ASB3: variants seen among roughly 807,000 people sequenced by gnomAD.
ASB3 encodes the protein ankyrin repeat and SOCS box containing 3.
In ASB3, 41 loss-of-function variants were observed where a neutral mutation model predicts 54.5. The ratio of observed to expected loss-of-function variants is 0.75; its 90% CI spans 0.59 to 0.98. The LOEUF is 0.98. Ranked by LOEUF, ASB3 falls within the 50% of genes least tolerant of loss-of-function variation. The pLI is 0.00. For missense variants in ASB3, 733 were observed against 620.0 expected (o/e 1.18, Z -1.94); for synonymous variants, 266 against 221.2 (o/e 1.20, Z -1.80).
chr2:53,725,509 A>G (rs992920360), intron 5 of ASB3, among the ~76,000 whole-genome samples: 1 of 152,264 alleles, frequency 6.6e-6, no homozygotes, highest in Non-Finnish European at 1.5e-5. Context: ...CATTGTATAA[A>G]GATTTTTAAA....
intron 5 of ASB3, among the ~76,000 whole-genome samples, chr2:53,724,491 T>A (rs779242228): frequency 1.3e-5 from 2 of 151,340 alleles, no homozygotes; most frequent in African/African-American, 4.9e-5. Context: ...CCCAGCTACT[T>A]GGGAGGCTGA....
chr2:53,705,428 C>T (rs1159367820), intron 7 of ASB3, among the ~76,000 whole-genome samples: 1 of 152,188 alleles, frequency 6.6e-6, no homozygotes, highest in Non-Finnish European at 1.5e-5. Flanking sequence ...TAACTCATGT[C>T]TGTGACCAAG....
rs563857072 is a variant in ASB3, at chr2:53,725,604, T to C, written c.604+3108A>G. ...TTGGCAAATAATGTATTAAATATGC[T>C]ACATATGATGTTGTTACATGACCAT... is the stretch of plus-strand genomic sequence containing the variant. On this transcript the variant is annotated intron_variant, in intron 5 of 9. Coordinates refer to ENST00000263634, the MANE Select transcript of ASB3 (RefSeq NM_016115.5). Among the ~76,000 whole-genome samples the C allele has an allele frequency of 2.8e-4, 43 of 152,376 alleles. No homozygotes were observed. In the South Asian group the frequency reaches 8.3e-3, roughly 29 times the overall value.
chr2:53,743,665 A>G (rs1442158195), intron 3 of ASB3, among the ~76,000 whole-genome samples: 2 of 152,278 alleles, frequency 1.3e-5, no homozygotes, highest in Non-Finnish European at 2.9e-5. Flanking sequence ...GACTAATAAA[A>G]TAACACATTA....
At chr2:53,750,146 C>T (rs756750398) in intron 3 of ASB3, among the ~76,000 whole-genome samples, 2 of 152,008 alleles carry the variant, frequency 1.3e-5, no homozygotes, top group South Asian at 2.1e-4. Flanking sequence ...CTATTCCAAA[C>T]GCTTCATTGA....
At chr2:53,720,562 C>A (rs1196625414) in intron 5 of ASB3, among the ~76,000 whole-genome samples, 1 of 152,174 alleles carries the variant, frequency 6.6e-6, no homozygotes, top group Non-Finnish European at 1.5e-5. Flanking sequence ...CCTAAATATA[C>A]ACACACCCAA....
intron 1 of ASB3, chr2:53,771,877 G>A: frequency 6.9e-7 from 1 of 1,453,630 alleles, no homozygotes; most frequent in Non-Finnish European, 9.5e-7. Flanking sequence ...TATTAATTCA[G>A]AAAAATTTTT....
intron 1 of ASB3, among the ~76,000 whole-genome samples, chr2:53,768,606 G>T (rs1573003969): frequency 6.6e-6 from 1 of 152,170 alleles, no homozygotes; most frequent in South Asian, 2.1e-4. Context: ...TTGGTTTTCA[G>T]TACTAGTGAA....
intron 5 of ASB3, among the ~76,000 whole-genome samples, chr2:53,724,691 C>T (rs1325882129): frequency 6.6e-6 from 1 of 151,762 alleles, no homozygotes; most frequent in Admixed American, 6.6e-5. Flanking sequence ...AATTGCTCAA[C>T]ATCACCAATC....
chr2:53,770,650 A>G lies in ASB3; in HGVS notation c.-13-5065T>C, dbSNP rs141077664. ...TATCAGTCTTTGAAATGGGAGAACA[A>G]ATAAAACTTGTTTTGGCTTCATAAT... On this transcript the variant is annotated intron_variant, in intron 1 of 9. Transcript: ENST00000263634. Among the ~76,000 whole-genome samples the G allele has an allele frequency of 2.0e-4, 31 of 152,332 alleles. No homozygotes were observed. The East Asian group carries it at 6.0e-3, about 29-fold the overall frequency.
chr2:53,701,493 T>C (rs189533088), intron 7 of ASB3, among the ~76,000 whole-genome samples: 114 of 152,274 alleles, frequency 7.5e-4, no homozygotes, highest in African/African-American at 2.6e-3. Flanking sequence ...TTCTCTATTA[T>C]GAAAACTGAA....
intron 1 of ASB3, chr2:53,774,219 A>G (rs1463713349): frequency 6.2e-7 from 1 of 1,614,000 alleles, no homozygotes; most frequent in African/African-American, 1.3e-5. Context: ...ACTTCAGAGA[A>G]AAAGGAGGCT....
chr2:53,671,766 AAAAAG>A (rs1241443722), intron 9 of ASB3, among the ~76,000 whole-genome samples: 1 of 147,606 alleles, frequency 6.8e-6, no homozygotes, highest in Non-Finnish European at 1.5e-5. Flanking sequence ...TCTCAAAAAA[AAAAAG>A]AAAAGAATCA....
At chr2:53,747,857 C>G (rs972945697) in intron 3 of ASB3, among the ~76,000 whole-genome samples, 2 of 152,152 alleles carry the variant, frequency 1.3e-5, no homozygotes, top group African/African-American at 4.8e-5. Flanking sequence ...CACAATAAGT[C>G]ACATATGTAA....
At chr2:53,750,219 C>T (rs544286001) in intron 3 of ASB3, among the ~76,000 whole-genome samples, 7 of 151,482 alleles carry the variant, frequency 4.6e-5, no homozygotes, top group East Asian at 1.9e-4. Context: ...CAAATAGAAT[C>T]GAATAGAAAA....
At chr2:53,707,140 G>T (rs1669823778) in intron 7 of ASB3, among the ~76,000 whole-genome samples, 1 of 152,226 alleles carries the variant, frequency 6.6e-6, no homozygotes, top group African/African-American at 2.4e-5. Context: ...CTATTCGGTA[G>T]GGTAGCTAGC....
Position 53,693,774 on chromosome 2 carries a change from A to T in ASB3, c.1369+110T>A, listed in dbSNP as rs984977429. The T allele has an allele frequency of 2.1e-6, 3 of 1,434,788 alleles. No homozygotes were observed. The African/African-American group carries it at 4.3e-5, about 21-fold the overall frequency. 88.9% of individuals were successfully genotyped at this position (1,434,788 alleles called of 1,614,324 possible). On this transcript the variant is annotated intron_variant, in intron 9 of 9. Transcript: ENST00000263634. ...TTCCTCACATAAGAAAATGCAAATT[A>T]TGTCTAATTTGTGTTCACCGATGAA... is the stretch of plus-strand genomic sequence containing the variant.
intron 3 of ASB3, among the ~76,000 whole-genome samples, chr2:53,739,383 T>C (rs1671810763): frequency 6.6e-6 from 1 of 152,140 alleles, no homozygotes; most frequent in South Asian, 2.1e-4. Flanking sequence ...CTGGGAGAAA[T>C]ATGGTAGACC....
At chr2:53,724,386 G>T (rs1401215555) in intron 5 of ASB3, among the ~76,000 whole-genome samples, 1 of 152,030 alleles carries the variant, frequency 6.6e-6, no homozygotes, top group Non-Finnish European at 1.5e-5. Flanking sequence ...ATCACGAGGT[G>T]AGGAGATCAA....
Sources: allele counts gnomAD v4.1 joint callset (sites outside exome capture counted in the v4.1 genomes callset), GRCh38; gene constraint gnomAD v4.1.1; transcripts MANE v1.5; gene names NCBI Gene and HGNC (gene_info 2026-07-23, HGNC 2026-07-21).